The following SOS1 variants were observed in gnomAD, a reference collection of about 807,000 sequenced individuals.
SOS1 encodes the protein son of sevenless homolog 1.
In SOS1, 25 loss-of-function variants were observed where a neutral mutation model predicts 157.6. The observed-to-expected ratio is 0.16, with a 90% CI of 0.12 to 0.22. The LOEUF (loss-of-function observed/expected upper bound fraction) is 0.22, where lower values mean the gene tolerates loss of function less well. Among genes scored for constraint, SOS1 ranks in the 10% least tolerant of loss-of-function variants. SOS1 has a pLI of 1.00. For synonymous variants in SOS1, 528 were observed against 534.0 expected (o/e 0.99, Z 0.16); for missense variants, 1,237 against 1,599.1 (o/e 0.77, Z 3.86).
intron 1 of SOS1, among the ~76,000 whole-genome samples, chr2:39,093,755 G>A (rs1415990276): frequency 6.6e-6 from 1 of 152,118 alleles, no homozygotes; most frequent in African/African-American, 2.4e-5. Context: ...TTTGACTTTT[G>A]AATGTGATGG....
chr2:39,003,549 A>T (rs1320883168), intron 17 of SOS1, among the ~76,000 whole-genome samples: 1 of 152,222 alleles, frequency 6.6e-6, no homozygotes, highest in Non-Finnish European at 1.5e-5. Context: ...TATTTAGAAA[A>T]CCCAAGGAAA....
intron 8 of SOS1, among the ~76,000 whole-genome samples, chr2:39,028,843 C>G (rs1026267015): frequency 1.3e-5 from 2 of 152,108 alleles, no homozygotes; most frequent in African/African-American, 4.8e-5. Context: ...AGAACACAAG[C>G]AAAGATTAGG....
chr2:39,062,435 T>A (rs13008577), intron 2 of SOS1, among the ~76,000 whole-genome samples: 133,657 of 138,542 alleles, frequency 0.96, 64,404 homozygotes, highest in Middle Eastern at 0.98. Context: ...AAAAAAAAAT[T>A]AAAAAAAAAA....
intron 2 of SOS1, among the ~76,000 whole-genome samples, chr2:39,064,241 G>C (rs1247330672): frequency 1.3e-5 from 2 of 152,146 alleles, no homozygotes; most frequent in African/African-American, 4.8e-5. Flanking sequence ...GTTAAATCTA[G>C]CTAATTAACA....
chr2:39,078,947 C>T (rs1049135672), intron 1 of SOS1, among the ~76,000 whole-genome samples: 9 of 151,668 alleles, frequency 5.9e-5, no homozygotes, highest in Non-Finnish European at 1.0e-4. Context: ...GTAGTCCCAG[C>T]TACTTGGGAG....
Position 39,041,834 on chromosome 2 carries a change from T to C in SOS1, c.865-6334A>G, listed in dbSNP as rs554515509. 5.3e-5 allele frequency among the ~76,000 whole-genome samples: 8 copies of C among 152,364 alleles called. No individual in the cohort carries two copies. The East Asian group carries it at 1.5e-3, about 29-fold the overall frequency. On this transcript the variant is annotated intron_variant, in intron 6 of 22. Transcript: ENST00000402219. ...CCTTCCTATGTCAAAGTCATAAATA[T>C]GTTCTCCTATATTTTCTTTTGAAGT...
chr2:39,101,307 G>A (rs297157), intron 1 of SOS1, among the ~76,000 whole-genome samples: 142,478 of 152,234 alleles, frequency 0.94, 66,784 homozygotes, highest in African/African-American at 0.98. Context: ...CCATGACCCC[G>A]AACACTTCCC....
rs2124501933 is a variant in SOS1 at position 39,006,517 on chromosome 2, G to A, written c.2686C>T (p.Arg896Cys). 6.3e-7 allele frequency: 1 copy of A among 1,581,572 alleles called. No homozygotes were observed. Among genetic ancestry groups the A allele is most frequent in the Non-Finnish European group, 8.7e-7 (1 of 1,151,174 alleles). ...LDHTFEQIPS[R>C]QKKILEEAHE... Reference sequence around the variant, plus strand: ...GCTTCTTCTAAAATTTTCTTCTGGCGACTTGGTATTTGCTATAAGGAAAAA... The same window carrying A: ...GCTTCTTCTAAAATTTTCTTCTGGCAACTTGGTATTTGCTATAAGGAAAAA... Residue 896 changes from arginine to cysteine, a missense_variant, in exon 17 of 23, where the codon CGC becomes TGC. Arg to Cys is a radical substitution (Grantham distance 180). This residue lies in a region of SOS1 where 105 missense variants were observed against 236.0 expected (regional missense o/e 0.44). Coordinates refer to ENST00000402219, the MANE Select transcript of SOS1 (RefSeq NM_005633.4).
At chr2:39,086,323 G>T (rs941354695) in intron 1 of SOS1, among the ~76,000 whole-genome samples, 1 of 152,192 alleles carries the variant, frequency 6.6e-6, no homozygotes, top group African/African-American at 2.4e-5. Flanking sequence ...AATGGAGTTA[G>T]GTAGGGCCCA....
intron 1 of SOS1, among the ~76,000 whole-genome samples, chr2:39,089,845 G>C (rs1215570309): frequency 1.3e-5 from 2 of 151,126 alleles, no homozygotes; most frequent in African/African-American, 4.9e-5. Context: ...AAAAACTCTG[G>C]GCCAGGCACA....
At chr2:39,117,263 C>T (rs951615467) in intron 1 of SOS1, among the ~76,000 whole-genome samples, 4 of 152,114 alleles carry the variant, frequency 2.6e-5, no homozygotes, top group Non-Finnish European at 5.9e-5. Flanking sequence ...TTCCTGACCT[C>T]GTGATCCGCC....
intron 8 of SOS1, among the ~76,000 whole-genome samples, chr2:39,030,903 G>A (rs900609255): frequency 9.9e-5 from 15 of 152,106 alleles, no homozygotes; most frequent in African/African-American, 3.6e-4. Flanking sequence ...AGAGAAGAAC[G>A]TGAAGCTGTG....
intron 1 of SOS1, among the ~76,000 whole-genome samples, chr2:39,070,305 G>A (rs1671752197): frequency 6.6e-6 from 1 of 152,138 alleles, no homozygotes; most frequent in Admixed American, 6.6e-5. Flanking sequence ...CCACATGGTA[G>A]GCTATTTCTA....
intron 6 of SOS1, among the ~76,000 whole-genome samples, chr2:39,045,245 A>G (rs1040404076): frequency 1.4e-5 from 1 of 70,846 alleles, no homozygotes; most frequent in East Asian, 4.0e-4. Flanking sequence ...AGAGAGAGGG[A>G]GAGAGAGAGA....
intron 10 of SOS1, among the ~76,000 whole-genome samples, chr2:39,016,674 C>T (rs937702821): frequency 6.6e-6 from 1 of 152,074 alleles, no homozygotes; most frequent in African/African-American, 2.4e-5. Context: ...GTACTCCAAG[C>T]ATCCTTGACC....
chr2:39,078,758 G>A (rs1376523927), intron 1 of SOS1, among the ~76,000 whole-genome samples: 1 of 152,024 alleles, frequency 6.6e-6, no homozygotes, highest in East Asian at 1.9e-4. Context: ...ACCAGTCCCT[G>A]GTGCCAAAAA....
intron 1 of SOS1, among the ~76,000 whole-genome samples, chr2:39,104,916 T>A (rs962124917): frequency 1.3e-5 from 2 of 152,222 alleles, no homozygotes; most frequent in Non-Finnish European, 2.9e-5. Flanking sequence ...TGGGAAAGAA[T>A]AGATGGTAGT....
upstream of SOS1, among the ~76,000 whole-genome samples, chr2:39,122,916 C>T (rs1673944099): frequency 6.6e-6 from 1 of 152,116 alleles, no homozygotes. Context: ...AATGAACCAA[C>T]ATCAAGCCTG....
chr2:39,058,169 G>A (rs1671276261), intron 3 of SOS1, among the ~76,000 whole-genome samples: 1 of 151,972 alleles, frequency 6.6e-6, no homozygotes, highest in African/African-American at 2.4e-5. Flanking sequence ...CGAGCTTCCG[G>A]CAGTTATTCT....
Sources: allele counts gnomAD v4.1 joint callset (sites outside exome capture counted in the v4.1 genomes callset), GRCh38; gene constraint gnomAD v4.1.1; regional missense constraint gnomAD v4.1.1; transcripts MANE v1.5; gene names NCBI Gene and HGNC (gene_info 2026-07-23, HGNC 2026-07-21).